Variants in CCSER2 observed in about 807,000 individuals in gnomAD.
CCSER2 encodes serine-rich coiled-coil domain-containing protein 2.
A neutral mutation model predicts 92.3 loss-of-function variants in CCSER2; 46 were observed. The ratio of observed to expected loss-of-function variants is 0.50; its 90% CI spans 0.39 to 0.64. The LOEUF (loss-of-function observed/expected upper bound fraction) is 0.64, where lower values mean the gene tolerates loss of function less well. Ranked by LOEUF, CCSER2 falls within the 30% of genes least tolerant of loss-of-function variation. CCSER2 has a pLI of 0.00. For synonymous variants in CCSER2, 433 were observed against 431.4 expected, an observed-to-expected ratio of 1.00 and a Z score of -0.04; for missense variants, 1,244 against 1,238.9, an observed-to-expected ratio of 1.00 and a Z score of -0.06.
intron 9 of CCSER2, among the ~76,000 whole-genome samples, chr10:84,492,263 GAACGAGACTCTGTCTCCAA>G (rs1222432109): frequency 6.8e-6 from 1 of 147,634 alleles, no homozygotes; most frequent in Non-Finnish European, 1.5e-5. Context: ...CTGGGTGGCA[GAACGAGACTCTGTCTCCAA>G]AAAAAAAAAA....
At chr10:84,360,090 G>A (rs1222577427) in intron 1 of CCSER2, among the ~76,000 whole-genome samples, 1 of 152,168 alleles carries the variant, frequency 6.6e-6, no homozygotes, top group Admixed American at 6.5e-5. Context: ...TGGGATGACA[G>A]GTGTGAGCCA....
chr10:84,402,442 T>TA (rs1842168081), intron 3 of CCSER2, among the ~76,000 whole-genome samples: 1 of 151,990 alleles, frequency 6.6e-6, no homozygotes, highest in Non-Finnish European at 1.5e-5. Flanking sequence ...AACCAACATG[T>TA]AAAACAATGA....
In CCSER2 at chr10:84,371,042, C is replaced by T; in HGVS notation, c.-11C>T. Reference sequence around the variant, plus strand: ...CTTTCAACTTTTAAGAACAAATGCACCTTATAGCTCATGGAAGAAAAAACA... The same window carrying T: ...CTTTCAACTTTTAAGAACAAATGCATCTTATAGCTCATGGAAGAAAAAACA... On this transcript the variant is annotated 5_prime_UTR_variant, in exon 2 of 10. Transcript: ENST00000372088. 2 of 1,550,908 alleles carry T rather than the reference C, an allele frequency of 1.3e-6. No individual in the cohort carries two copies. The highest frequency in any genetic ancestry group is 8.7e-7 in the Non-Finnish European group (1 of 1,149,032).
Position 84,441,736 on chromosome 10 carries a change from GTTTTTTTTTTTTTTTTTTTTTT to G in CCSER2, c.2064+3048_2064+3069del, listed in dbSNP as rs869280119. On this transcript the variant is annotated intron_variant, in intron 6 of 9. Coordinates refer to ENST00000372088, the MANE Select transcript of CCSER2 (RefSeq NM_001284240.2). ...GAATAAAGTAGAAGACTGGGAAAAT[GTTTTTTTTTTTTTTTTTTTTTT>G]TTTTTTTTTTTTTTTTTTGAGACGA... 3.5e-3 allele frequency among the ~76,000 whole-genome samples: 151 copies of G among 43,644 alleles called. 1 individual carries two copies. Among genetic ancestry groups the G allele is most frequent in the African/African-American group, 9.8e-3 (134 of 13,666 alleles). The allele number at this position is 43,644 out of a possible 152,430, so 28.6% of individuals were successfully genotyped here. A position where few individuals can be genotyped will look rare whatever the true frequency, so the allele number is the denominator to read the frequency against.
At chr10:84,435,394 A>G (rs1844044312) in intron 5 of CCSER2, among the ~76,000 whole-genome samples, 1 of 152,210 alleles carries the variant, frequency 6.6e-6, no homozygotes, top group Non-Finnish European at 1.5e-5. Flanking sequence ...ATATATGTCC[A>G]TATTCCATAC....
intron 1 of CCSER2, among the ~76,000 whole-genome samples, chr10:84,352,052 G>C (rs1452515012): frequency 6.6e-6 from 1 of 152,184 alleles, no homozygotes; most frequent in Non-Finnish European, 1.5e-5. Context: ...TGTAATCCCA[G>C]CACTTTGGGA....
In CCSER2 at chr10:84,466,508, G is replaced by GTT. The variant is rs573093442; in HGVS notation, c.2148+2505_2148+2506dup. Among the ~76,000 whole-genome samples, 75 of 138,778 alleles carry GTT rather than the reference G, an allele frequency of 5.4e-4. 1 individual carries two copies. Among genetic ancestry groups the GTT allele is most frequent in the Admixed American group, 1.8e-3 (25 of 13,952 alleles). The allele number at this position is 138,778 out of a possible 152,430, so 91.0% of individuals were successfully genotyped here. On this transcript the variant is annotated intron_variant, in intron 7 of 9. Coordinates refer to ENST00000372088, the MANE Select transcript of CCSER2 (RefSeq NM_001284240.2). ...TTGCTTTCTTTTTTTTGTTTTTTTG[G>GTT]TTTTTTTTTTTTTTGAGACAAAGTC...
intron 7 of CCSER2, among the ~76,000 whole-genome samples, chr10:84,466,510 T>G (rs1846443393): frequency 1.4e-5 from 2 of 147,582 alleles, no homozygotes; most frequent in African/African-American, 2.5e-5. Context: ...TTTTTTTGGT[T>G]TTTTTTTTTT....
At chr10:84,439,105 C>CAACAAAAAAAAAA (rs1391661383) in intron 6 of CCSER2, among the ~76,000 whole-genome samples, 5 of 151,808 alleles carry the variant, frequency 3.3e-5, no homozygotes, top group South Asian at 2.1e-4. Flanking sequence ...AAATAAGAAA[C>CAACAAAAAAAAAA]AACAATTTTT....
chr10:84,483,953 T>TTATATATATATATATA (rs57427963), intron 9 of CCSER2, among the ~76,000 whole-genome samples: 14 of 48,034 alleles, frequency 2.9e-4, no homozygotes, highest in South Asian at 1.7e-3. Flanking sequence ...CCCGGCTAAT[T>TTATATATATATATATA]TATATATATA....
intron 9 of CCSER2, among the ~76,000 whole-genome samples, chr10:84,485,669 C>T (rs943674433): frequency 6.6e-6 from 1 of 152,014 alleles, no homozygotes; most frequent in Non-Finnish European, 1.5e-5. Flanking sequence ...TATGGTATGT[C>T]TCTCCATTAA....
intron 1 of CCSER2, among the ~76,000 whole-genome samples, chr10:84,335,444 A>G (rs1843783165): frequency 6.6e-6 from 1 of 151,448 alleles, no homozygotes; most frequent in Non-Finnish European, 1.5e-5. Context: ...GGGTCTCCCC[A>G]TGTTACCCAG....
rs1413636751 is a variant in CCSER2, at chr10:84,453,213, ATTTC to A, written c.2065-10718_2065-10715del. On this transcript the variant is annotated intron_variant, in intron 6 of 9. Coordinates refer to ENST00000372088, the MANE Select transcript of CCSER2 (RefSeq NM_001284240.2). ...GGTATATGGGGCTTTCACTTAATTT[ATTTC>A]TAATTTCTAATTTTTAAATTGATCA... 2.6e-5 allele frequency among the ~76,000 whole-genome samples: 4 copies of A among 151,442 alleles called. No individual in the cohort carries two copies. The East Asian group carries it at 7.8e-4, about 29-fold the overall frequency.
At chr10:84,512,177 C>G (rs770464045) in intron 9 of CCSER2, among the ~76,000 whole-genome samples, 3 of 151,776 alleles carry the variant, frequency 2.0e-5, no homozygotes, top group Admixed American at 6.6e-5. Context: ...GGTGGAAGAA[C>G]TGAAAAAAAC....
At chr10:84,359,535 G>A (rs914353064) in intron 1 of CCSER2, among the ~76,000 whole-genome samples, 1 of 152,130 alleles carries the variant, frequency 6.6e-6, no homozygotes, top group Non-Finnish European at 1.5e-5. Flanking sequence ...TTTTTAACAA[G>A]TTTCTAGGTG....
intron 1 of CCSER2, among the ~76,000 whole-genome samples, chr10:84,331,633 G>GA (rs922879436): frequency 8.5e-5 from 13 of 152,158 alleles, no homozygotes; most frequent in Admixed American, 2.6e-4. Flanking sequence ...GATTTTGGGG[G>GA]AAAAAATTGA....
intron 4 of CCSER2, 110 bp downstream of exon 4, chr10:84,417,971 G>T (rs1842962043): frequency 3.1e-6 from 2 of 652,000 alleles, no homozygotes; most frequent in Non-Finnish European, 2.8e-6. Context: ...GAGCCTTTCA[G>T]ACTGAGAATC....
At position 84,514,035 on chromosome 10, in the gene CCSER2, C is replaced by G; in HGVS notation, c.2912C>G (p.Ala971Gly). The change falls in exon 10 of 10, where the codon GCA (alanine) becomes GGA (glycine). Residue 971 changes from alanine to glycine, a missense_variant. By Grantham distance (60) the Ala-to-Gly change is moderately conservative. Transcript: ENST00000372088. ...LQPTSSQTNL[A>G]NNQNLKASKL... ...CCAACATCTAGTCAAACAAATCTTG[C>G]AAATAATCAGAATCTGAAAGCATCT... The G allele has an allele frequency of 6.5e-7, 1 of 1,536,548 alleles. No individual in the cohort carries two copies. Among genetic ancestry groups the G allele is most frequent in the Non-Finnish European group, 8.7e-7 (1 of 1,146,986 alleles).
At chr10:84,396,257 ATATAG>A (rs1431455552) in intron 3 of CCSER2, among the ~76,000 whole-genome samples, 7 of 149,788 alleles carry the variant, frequency 4.7e-5, no homozygotes, top group African/African-American at 7.4e-5. Flanking sequence ...ATAGTTATAG[ATATAG>A]TATATATAGT....
Sources: gnomAD v4.1 joint callset for allele counts (sites outside exome capture counted in the v4.1 genomes callset) on GRCh38, gnomAD v4.1.1 for gene constraint, MANE v1.5 for transcripts, NCBI Gene and HGNC (gene_info 2026-07-23, HGNC 2026-07-21) for gene names.